DSCAM: variants seen among roughly 807,000 people sequenced by gnomAD.
DSCAM encodes cell adhesion molecule DSCAM.
DSCAM carries 47 observed loss-of-function variants against 217.7 expected under a neutral mutation model. The ratio of observed to expected loss-of-function variants is 0.22; its 90% confidence interval spans 0.17 to 0.28. DSCAM has a LOEUF of 0.28. Among genes scored for constraint, DSCAM ranks in the 10% least tolerant of loss-of-function variants. DSCAM has a pLI of 1.00. For synonymous variants in DSCAM, 1,056 were observed against 1,015.3 expected (o/e 1.04, Z -0.76); for missense variants, 2,080 against 2,618.3 (o/e 0.79, Z 4.49).
At chr21:40,575,039 T>A (rs1213483924) in intron 3 of DSCAM, among the ~76,000 whole-genome samples, 4 of 152,158 alleles carry the variant, frequency 2.6e-5, no homozygotes, top group Non-Finnish European at 5.9e-5. Flanking sequence ...GTCCTGAAGT[T>A]ACTGAAGAAT....
At chr21:40,120,703 C>T (rs1455189491) in intron 20 of DSCAM, among the ~76,000 whole-genome samples, 1 of 152,200 alleles carries the variant, frequency 6.6e-6, no homozygotes, top group East Asian at 1.9e-4. Context: ...GTTGGACCCC[C>T]GAGGGAAAGT....
intron 1 of DSCAM, among the ~76,000 whole-genome samples, chr21:40,727,649 C>T (rs1168612623): frequency 6.6e-6 from 1 of 152,162 alleles, no homozygotes; most frequent in African/African-American, 2.4e-5. Context: ...ACCATCACCT[C>T]TCCCTGGTGC....
chr21:40,111,486 G>A (rs2089898625), intron 20 of DSCAM, among the ~76,000 whole-genome samples: 1 of 152,038 alleles, frequency 6.6e-6, no homozygotes, highest in African/African-American at 2.4e-5. Context: ...GACTGTCGAG[G>A]CTAGGAAGAA....
intron 2 of DSCAM, among the ~76,000 whole-genome samples, chr21:40,696,262 C>A (rs891939468): frequency 6.6e-6 from 1 of 152,166 alleles, no homozygotes; most frequent in Non-Finnish European, 1.5e-5. Context: ...GAACGGGGAT[C>A]AGAAGAAAAC....
intron 11 of DSCAM, among the ~76,000 whole-genome samples, chr21:40,238,332 T>G (rs975278434): frequency 6.6e-6 from 1 of 152,172 alleles, no homozygotes; most frequent in Admixed American, 6.5e-5. Context: ...GCACTCCAGG[T>G]GGAGGAACTG....
intron 3 of DSCAM, among the ~76,000 whole-genome samples, chr21:40,557,359 C>A (rs570869948): frequency 4.3e-4 from 65 of 152,034 alleles, no homozygotes; most frequent in African/African-American, 1.5e-3. Flanking sequence ...TCTCTTGCTT[C>A]TTTTTTTCTT....
intron 8 of DSCAM, among the ~76,000 whole-genome samples, chr21:40,321,618 T>A (rs538732308): frequency 4.7e-5 from 6 of 127,926 alleles, no homozygotes; most frequent in African/African-American, 1.6e-4. Flanking sequence ...TGGTCATTCT[T>A]TTTTTTTTTT....
intron 3 of DSCAM, among the ~76,000 whole-genome samples, chr21:40,374,686 G>A (rs1389913948): frequency 6.6e-6 from 1 of 152,220 alleles, no homozygotes; most frequent in Non-Finnish European, 1.5e-5. Flanking sequence ...CAATATGACA[G>A]TATTTGGAAA....
intron 3 of DSCAM, among the ~76,000 whole-genome samples, chr21:40,412,902 T>C (rs2075336441): frequency 6.6e-6 from 1 of 152,202 alleles, no homozygotes; most frequent in African/African-American, 2.4e-5. Context: ...CCAAGGTCTC[T>C]GTGTGCAGCC....
intron 10 of DSCAM, among the ~76,000 whole-genome samples, chr21:40,279,089 TA>T (rs1195836439): frequency 1.3e-5 from 2 of 152,212 alleles, no homozygotes; most frequent in Non-Finnish European, 2.9e-5. Context: ...AAAAAGTTTT[TA>T]AAATTCTTCT....
At chr21:40,381,354 T>C (rs2123730068) in intron 3 of DSCAM, among the ~76,000 whole-genome samples, 1 of 152,282 alleles carries the variant, frequency 6.6e-6, no homozygotes, top group South Asian at 2.1e-4. Context: ...GGCGGACTCA[T>C]GTTTAGAAGA....
chr21:40,147,153 A>G (rs1012596962), intron 16 of DSCAM, among the ~76,000 whole-genome samples: 1 of 152,230 alleles, frequency 6.6e-6, no homozygotes, highest in South Asian at 2.1e-4. Context: ...TAAGACAGCA[A>G]GTTGGATTCA....
chr21:40,585,629 T>TA (rs1411612067), intron 3 of DSCAM, among the ~76,000 whole-genome samples: 2 of 152,122 alleles, frequency 1.3e-5, no homozygotes, highest in Non-Finnish European at 2.9e-5. Context: ...AAGAGGGTGT[T>TA]ACGGTTTGGA....
At chr21:40,529,102 C>T (rs1468728516) in intron 3 of DSCAM, among the ~76,000 whole-genome samples, 1 of 151,834 alleles carries the variant, frequency 6.6e-6, no homozygotes, top group Non-Finnish European at 1.5e-5. Context: ...GATGGGATTT[C>T]ACTGTATTAG....
chr21:40,328,158 A>G (rs552104286), intron 8 of DSCAM, among the ~76,000 whole-genome samples: 1 of 152,108 alleles, frequency 6.6e-6, no homozygotes, highest in South Asian at 2.1e-4. Flanking sequence ...AAATTCCAAT[A>G]TAACCAAAAA....
At chr21:40,173,514 G>T (rs376146216) in intron 15 of DSCAM, among the ~76,000 whole-genome samples, 1 of 152,110 alleles carries the variant, frequency 6.6e-6, no homozygotes, top group Admixed American at 6.5e-5. Flanking sequence ...GAGGCAGATC[G>T]CTGAGGGCCT....
intron 3 of DSCAM, among the ~76,000 whole-genome samples, chr21:40,685,877 G>A (rs2090466890): frequency 6.6e-6 from 1 of 152,172 alleles, no homozygotes; most frequent in South Asian, 2.1e-4. Context: ...TCCTGGCATT[G>A]TATTGTGGGA....
intron 18 of DSCAM, among the ~76,000 whole-genome samples, chr21:40,141,352 C>T (rs890423668): frequency 2.0e-5 from 3 of 152,160 alleles, no homozygotes; most frequent in East Asian, 1.9e-4. Flanking sequence ...TGGTGGGTCA[C>T]GCCTGTAATC....
rs34391500 is a variant in DSCAM at position 40,800,715 on chromosome 21, C to CTTTTTTT, written c.43+45897_43+45903dup. 0.011 allele frequency among the ~76,000 whole-genome samples: 1,427 copies of CTTTTTTT among 130,958 alleles called. 53 individuals are homozygous for CTTTTTTT. The East Asian group carries it at 0.15, about 13-fold the overall frequency. 85.9% of individuals were successfully genotyped at this position (130,958 alleles called of 152,430 possible). ...TTTCTTCTTTCTTCTTTCTTACTTT[C>CTTTTTTT]TTTTTTTTTTTTTTTTTTTAAACGG... On this transcript the variant is annotated intron_variant, in intron 1 of 32. Coordinates refer to ENST00000400454, the MANE Select transcript of DSCAM (RefSeq NM_001389.5).
Sources: allele counts gnomAD v4.1 joint callset (sites outside exome capture counted in the v4.1 genomes callset), GRCh38; gene constraint gnomAD v4.1.1; transcripts MANE v1.5; gene names NCBI Gene and HGNC (gene_info 2026-07-23, HGNC 2026-07-21).